Variants in GON4L observed in about 807,000 individuals in gnomAD.
GON4L encodes the protein gon-4 like, also known as GON-4-like protein.
In GON4L, 87 loss-of-function variants were observed where a neutral mutation model predicts 211.8. The observed-to-expected ratio is 0.41, with a 90% CI of 0.35 to 0.49. The LOEUF (loss-of-function observed/expected upper bound fraction) is 0.49, where lower values mean the gene tolerates loss of function less well. GON4L is among the 20% of genes least tolerant of loss of function. The probability of loss-of-function intolerance (pLI) is 0.15; values close to 1 mark genes in which losing one functional copy is unlikely to be tolerated. For synonymous variants in GON4L, 875 were observed against 962.6 expected, an observed-to-expected ratio of 0.91 and a Z score of 1.68; for missense variants, 2,155 against 2,659.5, an observed-to-expected ratio of 0.81 and a Z score of 4.17.
At chr1:155,768,355 A>G (rs1662783765) in intron 19 of GON4L, among the ~76,000 whole-genome samples, 1 of 147,742 alleles carries the variant, frequency 6.8e-6, no homozygotes, top group African/African-American at 2.5e-5. Context: ...CTCACCTTGT[A>G]ATCCCAGCAC....
At chr1:155,810,526 T>C (rs1667655213) in intron 10 of GON4L, among the ~76,000 whole-genome samples, 1 of 149,214 alleles carries the variant, frequency 6.7e-6, no homozygotes, top group African/African-American at 2.5e-5. Context: ...GCTAACACAG[T>C]GAAACCCCGT....
In GON4L at chr1:155,840,720, C is replaced by T. The variant is rs545552308; in HGVS notation, c.505+12556G>A. Among the ~76,000 whole-genome samples the T allele has an allele frequency of 3.9e-5, 6 of 152,252 alleles. No individual in the cohort carries two copies. In the East Asian group the frequency reaches 1.2e-3, roughly 29 times the overall value. ...GTTAACCAAAGCCTTGTCTTTAGAC[C>T]TGGGCAAAAGGGGCAAAGTAAACTG... On this transcript the variant is annotated intron_variant, in intron 2 of 31. Transcript: ENST00000368331.
chr1:155,745,913 G>C (rs773303828), downstream of GON4L: 1 of 887,182 alleles, frequency 1.1e-6, no homozygotes. Flanking sequence ...GAACCAGCAG[G>C]TGAGGTCAGC....
chr1:155,766,949 G>GGCAGGAGAATCACTT (rs1450950843), intron 20 of GON4L: 1 of 593,800 alleles, frequency 1.7e-6, no homozygotes, highest in African/African-American at 1.9e-5. Flanking sequence ...AGGAGGCGGA[G>GGCAGGAGAATCACTT]GCAGGAGAAT....
intron 23 of GON4L, 56 bp from the exon 24 acceptor site, chr1:155,760,697 T>C (rs1661698648): frequency 1.7e-6 from 2 of 1,205,288 alleles, no homozygotes; most frequent in Admixed American, 1.7e-5. Flanking sequence ...CAACAAGCAA[T>C]AAGGGTACAA....
In GON4L at chr1:155,799,558, G is replaced by A. The variant is rs535880833; in HGVS notation, c.1646-4407C>T. Among the ~76,000 whole-genome samples the A allele has an allele frequency of 6.3e-4, 96 of 152,254 alleles. 1 individual carries two copies. Among genetic ancestry groups the A allele is most frequent in the African/African-American group, 2.3e-3 (95 of 41,552 alleles). On this transcript the variant is annotated intron_variant, in intron 11 of 31. Transcript: ENST00000368331. ...CACTCTTACCTTTCCCAGACCAGTA[G>A]TTTCCAATCCTTTAGATATATCAGA...
chr1:155,798,511 G>A (rs565477149), intron 11 of GON4L, among the ~76,000 whole-genome samples: 32 of 143,252 alleles, frequency 2.2e-4, no homozygotes, highest in African/African-American at 7.0e-4. Flanking sequence ...CCGGGTTCAC[G>A]CCATTCTCCT....
chr1:155,759,007 TG>T (rs2101669587), intron 24 of GON4L, among the ~76,000 whole-genome samples: 1 of 151,872 alleles, frequency 6.6e-6, no homozygotes, highest in South Asian at 2.1e-4. Context: ...CTCTCTTTTT[TG>T]TTTTTGAGAC....
intron 23 of GON4L, 146 bp from the exon 24 acceptor site, chr1:155,760,787 A>C (rs1661705270): frequency 3.3e-6 from 2 of 613,672 alleles, no homozygotes; most frequent in East Asian, 2.7e-5. Context: ...TTAACATCTG[A>C]CTGTTAATGG....
chr1:155,784,148 G>A (rs1322252518), intron 13 of GON4L, 59 bp from the exon 14 acceptor site: 1 of 1,596,136 alleles, frequency 6.3e-7, no homozygotes, highest in African/African-American at 1.3e-5. Flanking sequence ...TGTTGCTCCA[G>A]TATTGGGAAG....
intron 23 of GON4L, 71 bp from the exon 24 acceptor site, chr1:155,760,712 G>T: frequency 2.0e-6 from 2 of 1,021,388 alleles, no homozygotes; most frequent in Non-Finnish European, 1.5e-6. Flanking sequence ...GTACAAGGGA[G>T]AAGGCAGGGT....
chr1:155,845,212 G>A (rs1474422287), intron 2 of GON4L, among the ~76,000 whole-genome samples: 1 of 152,230 alleles, frequency 6.6e-6, no homozygotes, highest in Non-Finnish European at 1.5e-5. Context: ...AAAACAGGAT[G>A]CAGCAAAGAA....
At chr1:155,813,335 G>A (rs1667957722) in intron 10 of GON4L, among the ~76,000 whole-genome samples, 1 of 152,054 alleles carries the variant, frequency 6.6e-6, no homozygotes, top group African/African-American at 2.4e-5. Context: ...GGGAGGCTGA[G>A]GTGGGAAGAT....
chr1:155,761,833 A>T (rs911689567), intron 23 of GON4L, among the ~76,000 whole-genome samples: 12 of 152,086 alleles, frequency 7.9e-5, no homozygotes, highest in South Asian at 4.1e-4. Context: ...CCTGAAATCC[A>T]CTTGCTGGCC....
At chr1:155,763,910 T>A (rs1409303493) in intron 21 of GON4L, among the ~76,000 whole-genome samples, 6 of 151,190 alleles carry the variant, frequency 4.0e-5, no homozygotes. Context: ...GGTTGAGGCA[T>A]GAGAATTGCT....
chr1:155,787,101 T>TC (rs1665024150), intron 12 of GON4L, among the ~76,000 whole-genome samples: 1 of 150,340 alleles, frequency 6.7e-6, no homozygotes, highest in Non-Finnish European at 1.5e-5. Flanking sequence ...TTTTGTATTT[T>TC]TTAGTAGAGA....
chr1:155,808,734 A>G (rs1295950950), intron 10 of GON4L, among the ~76,000 whole-genome samples: 1 of 151,722 alleles, frequency 6.6e-6, no homozygotes, highest in Non-Finnish European at 1.5e-5. Flanking sequence ...TCAGCCTCCC[A>G]AGTAGCTGAG....
At chr1:155,858,237 A>G (rs1672429897), upstream of GON4L, among the ~76,000 whole-genome samples, 1 of 152,208 alleles carries the variant, frequency 6.6e-6, no homozygotes, top group African/African-American at 2.4e-5. Context: ...TAGAAAAACA[A>G]TGTCTGGAAT....
intron 2 of GON4L, among the ~76,000 whole-genome samples, chr1:155,850,558 C>T (rs1297940903): frequency 6.6e-6 from 1 of 152,174 alleles, no homozygotes; most frequent in Non-Finnish European, 1.5e-5. Context: ...CACAGTATAC[C>T]ATCAAGATTA....
Sources: gnomAD v4.1 joint callset for allele counts (sites outside exome capture counted in the v4.1 genomes callset) on GRCh38, gnomAD v4.1.1 for gene constraint, MANE v1.5 for transcripts, NCBI Gene and HGNC (gene_info 2026-07-23, HGNC 2026-07-21) for gene names.